The following SNX29 variants were observed in gnomAD, a reference collection of about 807,000 sequenced individuals.
SNX29 encodes the protein sorting nexin 29.
Under a neutral mutation model 102.1 loss-of-function variants are expected in SNX29, and 78 were observed. The ratio of observed to expected loss-of-function variants is 0.76; its 90% CI spans 0.64 to 0.92. The LOEUF is 0.92. SNX29 is among the 40% of genes least tolerant of loss of function. SNX29 has a pLI of 0.00. For missense variants in SNX29, 1,280 were observed against 1,061.7 expected (o/e 1.21, Z -2.86); for synonymous variants, 580 against 414.5 (o/e 1.40, Z -4.85).
intron 20 of SNX29, among the ~76,000 whole-genome samples, chr16:12,551,282 T>C (rs1184648893): frequency 6.6e-6 from 1 of 152,142 alleles, no homozygotes; most frequent in Non-Finnish European, 1.5e-5. Flanking sequence ...CCGTCAAATG[T>C]TTAACCAGTT....
intron 19 of SNX29, among the ~76,000 whole-genome samples, chr16:12,522,807 T>C (rs140897990): frequency 1.3e-5 from 2 of 152,144 alleles, no homozygotes; most frequent in African/African-American, 2.4e-5. Context: ...TAGTTCCTTA[T>C]AGCAGTGTGA....
intron 13 of SNX29, among the ~76,000 whole-genome samples, chr16:12,189,809 A>G (rs554989773): frequency 3.9e-5 from 6 of 152,188 alleles, no homozygotes; most frequent in South Asian, 2.1e-4. Flanking sequence ...AAACAGTGAT[A>G]ATAATGGATT....
Position 12,570,783 on chromosome 16 carries a change from C to CGG in SNX29, c.*2154_*2155insGG, listed in dbSNP as rs1555467031. ...CATTCTGCACATGATAATAATGCAA[C>CGG]AGTCCCCCATTGCTGAGAGATACTA... On this transcript the variant is annotated 3_prime_UTR_variant, in exon 21 of 21. Coordinates refer to ENST00000566228, the MANE Select transcript of SNX29 (RefSeq NM_032167.5). 53,889 of 232,234 alleles carry CGG rather than the reference C, an allele frequency of 0.23. 6,726 individuals carry two copies. Among genetic ancestry groups the CGG allele is most frequent in the East Asian group, 0.43 (7,128 of 16,440 alleles). The allele number at this position is 232,234 out of a possible 1,614,324, so 14.4% of individuals were successfully genotyped here.
intron 16 of SNX29, among the ~76,000 whole-genome samples, chr16:12,369,385 C>T (rs1456560790): frequency 1.3e-5 from 2 of 152,154 alleles, no homozygotes; most frequent in African/African-American, 2.4e-5. Context: ...ATCGACCCAC[C>T]TTGGCCTCCC....
At chr16:12,363,244 A>G (rs1052837232) in intron 16 of SNX29, among the ~76,000 whole-genome samples, 1 of 152,236 alleles carries the variant, frequency 6.6e-6, no homozygotes, top group African/African-American at 2.4e-5. Context: ...CAGCCAGGGC[A>G]GAAGAAAGAA....
intron 1 of SNX29, among the ~76,000 whole-genome samples, chr16:11,977,249 T>C (rs2055322056): frequency 6.6e-6 from 1 of 152,058 alleles, no homozygotes; most frequent in Non-Finnish European, 1.5e-5. Flanking sequence ...TCCCTGCAGT[T>C]TCCACACAGG....
At chr16:12,175,114 T>C in intron 13 of SNX29, among the ~76,000 whole-genome samples, 1 of 152,194 alleles carries the variant, frequency 6.6e-6, no homozygotes, top group East Asian at 1.9e-4. Flanking sequence ...GGGTTTATGT[T>C]CAGGGATTAT....
At chr16:12,515,403 G>T (rs1008839473) in intron 19 of SNX29, 1 of 427,424 alleles carries the variant, frequency 2.3e-6, no homozygotes, top group Non-Finnish European at 4.7e-6. Flanking sequence ...CTGGAGAGCT[G>T]AATGAGAGGA....
chr16:12,535,121 G>A (rs945247820), intron 20 of SNX29, among the ~76,000 whole-genome samples: 1 of 152,122 alleles, frequency 6.6e-6, no homozygotes, highest in Admixed American at 6.5e-5. Flanking sequence ...CACCCGCCAG[G>A]GTCCAGGTAT....
intron 18 of SNX29, among the ~76,000 whole-genome samples, chr16:12,439,178 C>G (rs2085680981): frequency 6.6e-6 from 1 of 152,160 alleles, no homozygotes; most frequent in Non-Finnish European, 1.5e-5. Flanking sequence ...TGTCATTTGC[C>G]AGCCTTGCAA....
chr16:12,058,214 A>G (rs574469910), intron 8 of SNX29, among the ~76,000 whole-genome samples: 1 of 151,894 alleles, frequency 6.6e-6, no homozygotes, highest in South Asian at 2.1e-4. Flanking sequence ...AGCAGGAAAG[A>G]AAAAAAGACA....
At chr16:12,009,724 G>A (rs940425856) in intron 3 of SNX29, among the ~76,000 whole-genome samples, 4 of 152,092 alleles carry the variant, frequency 2.6e-5, no homozygotes, top group Non-Finnish European at 5.9e-5. Context: ...ACAAAGACTC[G>A]TTCTTATGGT....
At chr16:12,197,427 C>T (rs1027789545) in intron 13 of SNX29, among the ~76,000 whole-genome samples, 9 of 151,902 alleles carry the variant, frequency 5.9e-5, no homozygotes, top group Admixed American at 2.0e-4. Flanking sequence ...AAAAATTAGC[C>T]GGTCATGGTG....
intron 20 of SNX29, among the ~76,000 whole-genome samples, chr16:12,541,073 C>G (rs895401989): frequency 6.6e-6 from 1 of 152,184 alleles, no homozygotes; most frequent in Non-Finnish European, 1.5e-5. Flanking sequence ...GAGTTATTGA[C>G]TAGCTGCCTC....
intron 15 of SNX29, among the ~76,000 whole-genome samples, chr16:12,349,259 G>A (rs2081922745): frequency 6.6e-6 from 1 of 152,324 alleles, no homozygotes; most frequent in East Asian, 1.9e-4. Flanking sequence ...CCTAATAACT[G>A]GGATTCAGAT....
In SNX29 at chr16:12,551,873, T is replaced by C. The variant is rs2077998659; in HGVS notation, c.2319-16633T>C. Among the ~76,000 whole-genome samples the C allele has an allele frequency of 3.3e-5, 5 of 152,298 alleles. 1 individual carries two copies. In the South Asian group the frequency reaches 1.0e-3, roughly 32 times the overall value. On this transcript the variant is annotated intron_variant, in intron 20 of 20. Coordinates refer to ENST00000566228, the MANE Select transcript of SNX29 (RefSeq NM_032167.5). ...CACAGGAGCAGGCAGGTGATATTTC[T>C]AGCCTGTCTGCTCATCTGTAAGGTA...
At chr16:11,978,931 A>G (rs1029523004) in intron 1 of SNX29, among the ~76,000 whole-genome samples, 1 of 151,582 alleles carries the variant, frequency 6.6e-6, no homozygotes, top group Non-Finnish European at 1.5e-5. Context: ...TCTCAAAACA[A>G]ACAAACAAAC....
intron 5 of SNX29, among the ~76,000 whole-genome samples, chr16:12,045,110 G>C (rs746383678): frequency 1.8e-4 from 28 of 152,178 alleles, no homozygotes; most frequent in Non-Finnish European, 3.4e-4. Flanking sequence ...ATTTTTAAAG[G>C]ATTATGATTT....
intron 18 of SNX29, among the ~76,000 whole-genome samples, chr16:12,413,356 G>T (rs1013048163): frequency 1.3e-5 from 2 of 152,076 alleles, no homozygotes; most frequent in Admixed American, 6.5e-5. Context: ...AAATGAAAGT[G>T]CTGGGGAAGA....
Sources: gnomAD v4.1 joint callset for allele counts (sites outside exome capture counted in the v4.1 genomes callset) on GRCh38, gnomAD v4.1.1 for gene constraint, MANE v1.5 for transcripts, NCBI Gene and HGNC (gene_info 2026-07-23, HGNC 2026-07-21) for gene names.